CFAP299: variants seen among roughly 807,000 people sequenced by gnomAD.
The protein encoded by CFAP299 is cilia and flagella associated protein 299.
Under a neutral mutation model 27.0 loss-of-function variants are expected in CFAP299, and 21 were observed. The observed-to-expected ratio is 0.78, with a 90% CI of 0.55 to 1.12. The LOEUF (loss-of-function observed/expected upper bound fraction) is 1.12. CFAP299 is among the 50% of genes most tolerant of loss of function. The pLI is 0.00. For missense variants in CFAP299, 310 were observed against 276.6 expected, an observed-to-expected ratio of 1.12 and a Z score of -0.86; for synonymous variants, 104 against 98.1, an observed-to-expected ratio of 1.06 and a Z score of -0.36.
At chr4:80,496,640 A>G (rs952516238) in intron 2 of CFAP299, among the ~76,000 whole-genome samples, 2 of 152,314 alleles carry the variant, frequency 1.3e-5, no homozygotes, top group Middle Eastern at 3.4e-3. Context: ...AGCTGCTTTC[A>G]CATTTTCTAA....
intron 3 of CFAP299, among the ~76,000 whole-genome samples, chr4:80,820,071 T>C (rs1183890385): frequency 1.3e-5 from 2 of 152,162 alleles, no homozygotes; most frequent in East Asian, 3.8e-4. Context: ...AAATATTGCT[T>C]TCCTTCACTT....
At chr4:80,334,266 C>A (rs1341102590), upstream of CFAP299, among the ~76,000 whole-genome samples, 1 of 152,130 alleles carries the variant, frequency 6.6e-6, no homozygotes, top group Admixed American at 6.5e-5. Context: ...AAACCATGAC[C>A]TCACATTTTA....
intron 3 of CFAP299, among the ~76,000 whole-genome samples, chr4:80,763,287 A>G (rs975112447): frequency 6.6e-6 from 1 of 152,172 alleles, no homozygotes. Flanking sequence ...TGCAAAAATC[A>G]CAAGCATTCC....
At chr4:80,759,043 C>A (rs1725409476) in intron 3 of CFAP299, among the ~76,000 whole-genome samples, 1 of 152,040 alleles carries the variant, frequency 6.6e-6, no homozygotes, top group African/African-American at 2.4e-5. Context: ...TAAAACATTA[C>A]AATATATACA....
intron 3 of CFAP299, among the ~76,000 whole-genome samples, chr4:80,766,395 T>C (rs548780781): frequency 6.6e-6 from 1 of 152,192 alleles, no homozygotes; most frequent in Non-Finnish European, 1.5e-5. Flanking sequence ...AATTATCGTG[T>C]GTTTAAGATA....
chr4:80,505,028 CAAT>C (rs1216331764), intron 2 of CFAP299, among the ~76,000 whole-genome samples: 1 of 147,932 alleles, frequency 6.8e-6, no homozygotes, highest in Non-Finnish European at 1.5e-5. Flanking sequence ...ATTTATATGT[CAAT>C]AAATCATTTA....
At chr4:80,686,957 C>G (rs1318875509) in intron 3 of CFAP299, among the ~76,000 whole-genome samples, 1 of 152,158 alleles carries the variant, frequency 6.6e-6, no homozygotes, top group Non-Finnish European at 1.5e-5. Context: ...CTAATATACC[C>G]ATATATGTCA....
In CFAP299 at chr4:80,362,896, TG is replaced by T. The variant is rs1459218034; in HGVS notation, c.242+13del. ...AGAGCTCAGCAAAAGTAAGTGTCCATGTTCCAAATCCAGATTTTATGTTATA... is the reference window on the plus strand; with the variant it reads ...AGAGCTCAGCAAAAGTAAGTGTCCATTTCCAAATCCAGATTTTATGTTATA... On this transcript the variant is annotated intron_variant, in intron 2 of 5. Coordinates refer to ENST00000358105, the MANE Select transcript of CFAP299 (RefSeq NM_152770.3). 5 of 1,596,154 alleles carry T rather than the reference TG, an allele frequency of 3.1e-6. No individual in the cohort carries two copies. The highest frequency in any genetic ancestry group is 4.3e-6 in the Non-Finnish European group (5 of 1,175,054).
intron 2 of CFAP299, chr4:80,420,127 A>G (rs145961143): frequency 4.4e-6 from 2 of 451,338 alleles, no homozygotes; most frequent in Admixed American, 4.7e-5. Flanking sequence ...CTGTGTAGCA[A>G]ATGTGGTCTT....
At chr4:80,740,768 T>C (rs1724212495) in intron 3 of CFAP299, among the ~76,000 whole-genome samples, 2 of 152,160 alleles carry the variant, frequency 1.3e-5, no homozygotes, top group African/African-American at 2.4e-5. Flanking sequence ...TGCTCTTCCC[T>C]CCCCTTTCCA....
the CFAP299 span, among the ~76,000 whole-genome samples, chr4:80,329,210 T>TATAC: frequency 4.3e-5 from 4 of 92,696 alleles, no homozygotes; most frequent in Non-Finnish European, 9.4e-5. Context: ...ACTGTATACA[T>TATAC]ATATATATAT....
chr4:80,831,432 T>C (rs1355601400), intron 3 of CFAP299, among the ~76,000 whole-genome samples: 1 of 152,042 alleles, frequency 6.6e-6, no homozygotes, highest in Non-Finnish European at 1.5e-5. Flanking sequence ...TGGAGAAGTA[T>C]CTATATTTTT....
At chr4:80,505,034 A>G (rs1162723703) in intron 2 of CFAP299, among the ~76,000 whole-genome samples, 2 of 149,306 alleles carry the variant, frequency 1.3e-5, no homozygotes, top group African/African-American at 2.4e-5. Flanking sequence ...ATGTCAATAA[A>G]TCATTTATAT....
intron 2 of CFAP299, among the ~76,000 whole-genome samples, chr4:80,488,609 G>A (rs1432624555): frequency 6.6e-6 from 1 of 151,810 alleles, no homozygotes; most frequent in Non-Finnish European, 1.5e-5. Flanking sequence ...TAGTAGCTGG[G>A]ACTAAAGGCA....
intron 3 of CFAP299, among the ~76,000 whole-genome samples, chr4:80,788,689 G>A (rs970017643): frequency 6.6e-6 from 1 of 151,864 alleles, no homozygotes; most frequent in Non-Finnish European, 1.5e-5. Context: ...TCTTCTGTTT[G>A]CTGACCATTC....
At chr4:80,786,713 GA>G (rs1231590465) in intron 3 of CFAP299, among the ~76,000 whole-genome samples, 1 of 152,066 alleles carries the variant, frequency 6.6e-6, no homozygotes, top group Non-Finnish European at 1.5e-5. Flanking sequence ...AATATTTTGG[GA>G]TTCTTAAAAT....
At chr4:80,481,290 A>G (rs1730554119) in intron 2 of CFAP299, among the ~76,000 whole-genome samples, 1 of 152,098 alleles carries the variant, frequency 6.6e-6, no homozygotes, top group South Asian at 2.1e-4. Flanking sequence ...AAAACAAAAT[A>G]ATGTGCTAAA....
At chr4:80,325,390 A>G in the CFAP299 span, among the ~76,000 whole-genome samples, 1 of 152,322 alleles carries the variant, frequency 6.6e-6, no homozygotes, top group African/African-American at 2.4e-5. Context: ...ATTTTTATTA[A>G]TACATTCTGA....
At chr4:80,675,785 T>C (rs1719408258) in intron 3 of CFAP299, among the ~76,000 whole-genome samples, 1 of 152,194 alleles carries the variant, frequency 6.6e-6, no homozygotes. Flanking sequence ...GCCTTGCAGG[T>C]CAATCTCAGA....
Sources: gnomAD v4.1 joint callset for allele counts (sites outside exome capture counted in the v4.1 genomes callset) on GRCh38, gnomAD v4.1.1 for gene constraint, MANE v1.5 for transcripts, NCBI Gene and HGNC (gene_info 2026-07-23, HGNC 2026-07-21) for gene names.